The following TBC1D22A variants were observed in gnomAD, a reference collection of about 807,000 sequenced individuals.
TBC1D22A encodes putative GTPase activator.
In TBC1D22A, 38 loss-of-function variants were observed where a neutral mutation model predicts 60.2. The observed-to-expected ratio is 0.63, with a 90% CI of 0.49 to 0.83. TBC1D22A has a LOEUF of 0.83. Ranked by LOEUF, TBC1D22A falls within the 40% of genes least tolerant of loss-of-function variation. TBC1D22A has a pLI of 0.00. For synonymous variants in TBC1D22A, 302 were observed against 281.7 expected, an observed-to-expected ratio of 1.07 and a Z score of -0.72; for missense variants, 628 against 701.0, an observed-to-expected ratio of 0.90 and a Z score of 1.18.
intron 11 of TBC1D22A, among the ~76,000 whole-genome samples, chr22:47,051,776 C>T (rs969801280): frequency 3.5e-4 from 54 of 152,218 alleles, no homozygotes; most frequent in African/African-American, 1.1e-3. Context: ...CTTCCTCTCG[C>T]GCTCCTCTGC....
At chr22:46,779,606 A>G (rs550734190) in intron 1 of TBC1D22A, among the ~76,000 whole-genome samples, 3 of 152,322 alleles carry the variant, frequency 2.0e-5, no homozygotes, top group African/African-American at 4.8e-5. Flanking sequence ...TCTGTTTTCT[A>G]TAATAAACAC....
chr22:47,012,300 A>G (rs1157492572), intron 10 of TBC1D22A, among the ~76,000 whole-genome samples: 4 of 152,190 alleles, frequency 2.6e-5, no homozygotes, highest in Non-Finnish European at 4.4e-5. Context: ...CATGAGTCAG[A>G]GGGTCCTGGG....
chr22:46,966,120 C>T (rs1202277920), intron 8 of TBC1D22A, among the ~76,000 whole-genome samples: 1 of 152,236 alleles, frequency 6.6e-6, no homozygotes, highest in African/African-American at 2.4e-5. Flanking sequence ...ACAAGCTCTT[C>T]CTCCTCTTTC....
At chr22:46,832,691 T>C (rs1382133237) in intron 4 of TBC1D22A, among the ~76,000 whole-genome samples, 2 of 152,234 alleles carry the variant, frequency 1.3e-5, no homozygotes, top group Non-Finnish European at 2.9e-5. Context: ...TAAAATATTT[T>C]AATAAAAATA....
intron 11 of TBC1D22A, among the ~76,000 whole-genome samples, chr22:47,039,685 A>T (rs9615121): frequency 0.064 from 8,624 of 134,668 alleles, 513 homozygotes; most frequent in African/African-American, 0.16. Flanking sequence ...GTGCTCCCTC[A>T]TGGATGCGTG....
rs550729649 is a variant in TBC1D22A at position 46,873,839 on chromosome 22, G to C, written c.638-4814G>C. Among the ~76,000 whole-genome samples, 18 of 151,808 alleles carry C rather than the reference G, an allele frequency of 1.2e-4. No individual in the cohort carries two copies. The South Asian group carries it at 2.1e-3, about 18-fold the overall frequency. On this transcript the variant is annotated intron_variant, in intron 4 of 12. Coordinates refer to ENST00000337137, the MANE Select transcript of TBC1D22A (RefSeq NM_014346.5). ...GACAGAGTCTCGCTCTGTCACCAAGGCTGGAGAGGTGCAGTGGCACGATCT... is the reference window on the plus strand; with the variant it reads ...GACAGAGTCTCGCTCTGTCACCAAGCCTGGAGAGGTGCAGTGGCACGATCT...
At chr22:47,140,447 T>G (rs533530111) in intron 12 of TBC1D22A, among the ~76,000 whole-genome samples, 1 of 151,188 alleles carries the variant, frequency 6.6e-6, no homozygotes, top group Middle Eastern at 3.4e-3. Context: ...TAGTCCCAGC[T>G]ACTGGGGAGG....
At chr22:46,864,587 G>T (rs1251664286) in intron 4 of TBC1D22A, among the ~76,000 whole-genome samples, 4 of 152,220 alleles carry the variant, frequency 2.6e-5, no homozygotes, top group African/African-American at 9.6e-5. Flanking sequence ...GTAGATAAAC[G>T]ATAACAATCA....
intron 5 of TBC1D22A, among the ~76,000 whole-genome samples, chr22:46,884,859 G>T (rs1177840038): frequency 6.6e-6 from 1 of 152,198 alleles, no homozygotes; most frequent in Non-Finnish European, 1.5e-5. Context: ...CATTTAAGCA[G>T]CGAAGTAAAA....
intron 11 of TBC1D22A, among the ~76,000 whole-genome samples, chr22:47,042,483 G>C (rs2062881225): frequency 6.6e-6 from 1 of 152,250 alleles, no homozygotes; most frequent in African/African-American, 2.4e-5. Flanking sequence ...CGGGGACATT[G>C]GGACTCAGCA....
At chr22:46,965,219 T>G (rs960631034) in intron 8 of TBC1D22A, among the ~76,000 whole-genome samples, 14 of 152,208 alleles carry the variant, frequency 9.2e-5, no homozygotes, top group Non-Finnish European at 1.5e-4. Flanking sequence ...ATTTCTTGAT[T>G]TTTCGTTGTG....
intron 4 of TBC1D22A, among the ~76,000 whole-genome samples, chr22:46,799,043 T>TG (rs1209286175): frequency 2.0e-5 from 3 of 151,536 alleles, no homozygotes; most frequent in Non-Finnish European, 4.4e-5. Flanking sequence ...ATGTTTGTTT[T>TG]TTTTTGAAAC....
intron 12 of TBC1D22A, among the ~76,000 whole-genome samples, chr22:47,160,901 C>T (rs2147204064): frequency 6.6e-6 from 1 of 152,186 alleles, no homozygotes; most frequent in Admixed American, 6.5e-5. Flanking sequence ...CAGCAAGCCC[C>T]AGGAACCTCC....
At chr22:46,861,247 T>C (rs1437729593) in intron 4 of TBC1D22A, among the ~76,000 whole-genome samples, 1 of 152,222 alleles carries the variant, frequency 6.6e-6, no homozygotes, top group Non-Finnish European at 1.5e-5. Flanking sequence ...ACTTAATTTT[T>C]AGAATTGTGT....
At chr22:46,943,803 C>G (rs2072333210) in intron 8 of TBC1D22A, among the ~76,000 whole-genome samples, 1 of 152,214 alleles carries the variant, frequency 6.6e-6, no homozygotes. Context: ...TCACAGCATC[C>G]TACGGCATGT....
chr22:46,829,689 T>C (rs907682623), intron 4 of TBC1D22A, among the ~76,000 whole-genome samples: 17 of 152,236 alleles, frequency 1.1e-4, no homozygotes, highest in African/African-American at 4.1e-4. Flanking sequence ...GCAGCTATTA[T>C]TCATCCCGAT....
chr22:47,099,936 G>T (rs2065344167), intron 11 of TBC1D22A, among the ~76,000 whole-genome samples: 1 of 152,204 alleles, frequency 6.6e-6, no homozygotes, highest in Non-Finnish European at 1.5e-5. Flanking sequence ...TTTGACACGG[G>T]CCCCAAACAG....
At chr22:46,869,022 T>A (rs902202327) in intron 4 of TBC1D22A, among the ~76,000 whole-genome samples, 5 of 152,198 alleles carry the variant, frequency 3.3e-5, no homozygotes, top group Non-Finnish European at 5.9e-5. Flanking sequence ...CGTGTTGGCG[T>A]CCCCTTGTCA....
At position 47,009,317 on chromosome 22, in the gene TBC1D22A, A is replaced by G. The variant is rs112408308; in HGVS notation, c.1201+11608A>G. ...CATAAACACCATCATCACCACCATC[A>G]TGTCATCATCACCATCATTATGTCA... is the stretch of plus-strand genomic sequence containing the variant. On this transcript the variant is annotated intron_variant, in intron 10 of 12. Coordinates refer to ENST00000337137, the MANE Select transcript of TBC1D22A (RefSeq NM_014346.5). The surrounding 1 kb of genome is among the most constrained non-coding windows in gnomAD (Gnocchi z 5.8). Among the ~76,000 whole-genome samples the G allele has an allele frequency of 3.3e-3, 500 of 151,620 alleles. 3 individuals are homozygous for G. The highest frequency in any genetic ancestry group is 0.012 in the African/African-American group (484 of 41,254).
Sources: gnomAD v4.1 joint callset for allele counts (sites outside exome capture counted in the v4.1 genomes callset) on GRCh38, gnomAD v4.1.1 for gene constraint, Gnocchi (gnomAD v3.1) non-coding constraint, MANE v1.5 for transcripts, NCBI Gene and HGNC (gene_info 2026-07-23, HGNC 2026-07-21) for gene names.